The following AKAP13 variants were observed in gnomAD, a reference collection of about 807,000 sequenced individuals.
AKAP13 encodes the protein A-kinase anchoring protein 13.
Under a neutral mutation model 264.5 loss-of-function variants are expected in AKAP13, and 80 were observed. That is an observed-to-expected ratio of 0.30 (90% CI 0.25 to 0.36). The LOEUF (loss-of-function observed/expected upper bound fraction) is 0.36. Ranked by LOEUF, AKAP13 falls within the 10% of genes least tolerant of loss-of-function variation. The probability of loss-of-function intolerance (pLI) is 1.00; values close to 1 mark genes in which losing one functional copy is unlikely to be tolerated. For synonymous variants in AKAP13, 1,380 were observed against 1,250.2 expected (o/e 1.10, Z -2.19); for missense variants, 3,712 against 3,435.2 (o/e 1.08, Z -2.01).
chr15:85,484,854 A>G (rs1210158147), intron 1 of AKAP13, among the ~76,000 whole-genome samples: 1 of 152,144 alleles, frequency 6.6e-6, no homozygotes, highest in Non-Finnish European at 1.5e-5. Flanking sequence ...GACACTTTAT[A>G]CTGTTATTTT....
intron 8 of AKAP13, among the ~76,000 whole-genome samples, chr15:85,596,495 A>T (rs2151347441): frequency 6.6e-6 from 1 of 152,136 alleles, no homozygotes; most frequent in Admixed American, 6.5e-5. Context: ...AGGTGGGAGG[A>T]TCATCTGAGC....
intron 1 of AKAP13, among the ~76,000 whole-genome samples, chr15:85,462,750 C>T (rs1404229849): frequency 2.0e-5 from 3 of 152,020 alleles, no homozygotes; most frequent in Admixed American, 6.5e-5. Flanking sequence ...TTTGGCCGGG[C>T]GTGGTGGCTC....
intron 17 of AKAP13, among the ~76,000 whole-genome samples, chr15:85,696,576 G>A (rs578005113): frequency 5.9e-5 from 9 of 152,224 alleles, no homozygotes; most frequent in African/African-American, 2.2e-4. Flanking sequence ...CTTTTGGAGA[G>A]CACTGATCTC....
At chr15:85,520,263 A>C (rs1451814119) in intron 2 of AKAP13, among the ~76,000 whole-genome samples, 1 of 152,094 alleles carries the variant, frequency 6.6e-6, no homozygotes, top group African/African-American at 2.4e-5. Flanking sequence ...TGGGAGGCTG[A>C]GACGGGTGGA....
chr15:85,416,062 A>G (rs1389442222), intron 1 of AKAP13, among the ~76,000 whole-genome samples: 1 of 152,200 alleles, frequency 6.6e-6, no homozygotes, highest in African/African-American at 2.4e-5. Flanking sequence ...GCACAGAAGG[A>G]TGGAGCAACT....
In AKAP13 at chr15:85,686,145, C is replaced by CTGTGTGTG. The variant is rs36166313; in HGVS notation, c.5289+1286_5289+1293dup. 1.6e-3 allele frequency among the ~76,000 whole-genome samples: 233 copies of CTGTGTGTG among 149,540 alleles called. 2 individuals carry two copies. The highest frequency in any genetic ancestry group is 5.2e-3 in the African/African-American group (213 of 40,582). ...GTTAAGGAACTCTTGCAAGGAATCA[C>CTGTGTGTG]TGTGTGTGTGTGTGTGTGTGTATGT... is the stretch of plus-strand genomic sequence containing the variant. On this transcript the variant is annotated intron_variant, in intron 16 of 36. Coordinates refer to ENST00000394518, the MANE Select transcript of AKAP13 (RefSeq NM_007200.5).
chr15:85,718,064 A>G lies in AKAP13; in HGVS notation c.5906A>G (p.Lys1969Arg), dbSNP rs1227600196. Residue 1969 changes from lysine (K) to arginine (R), a missense_variant, in exon 22 of 37, where the codon AAA becomes AGA. This residue lies in a region of AKAP13 where 2,759 missense variants were observed against 2,411.7 expected (regional missense o/e 1.14). Transcript: ENST00000394518. This position sits in a 1 kb window ranked among gnomAD's most constrained non-coding sequence, Gnocchi z 4.9. The stretch of plus-strand genomic sequence containing the variant: ...CTGGGAGACTTTGAGATTGAGTCCA[A>G]ACAGCTGGAAGCAGAGTCTTGGAGT... Reference protein sequence around the residue: ...QLLGDFEIESKQLEAESWSRI... With the variant: ...QLLGDFEIESRQLEAESWSRI... 1 of 1,614,170 alleles carries G rather than the reference A, an allele frequency of 6.2e-7. No individual in the cohort carries two copies. The highest frequency in any genetic ancestry group is 1.7e-5 in the Admixed American group (1 of 60,024).
At chr15:85,490,452 G>A (rs1223080368) in intron 2 of AKAP13, among the ~76,000 whole-genome samples, 2 of 152,216 alleles carry the variant, frequency 1.3e-5, no homozygotes, top group Non-Finnish European at 1.5e-5. Context: ...AAGTGAAATC[G>A]TTTGAGTCTT....
At chr15:85,602,850 T>TG (rs1288932364) in intron 8 of AKAP13, among the ~76,000 whole-genome samples, 1 of 152,244 alleles carries the variant, frequency 6.6e-6, no homozygotes, top group Non-Finnish European at 1.5e-5. Context: ...ATTGGTCATT[T>TG]GGAAAATATT....
intron 3 of AKAP13, among the ~76,000 whole-genome samples, chr15:85,522,214 C>T (rs1375877613): frequency 6.6e-6 from 1 of 152,002 alleles, no homozygotes; most frequent in African/African-American, 2.4e-5. Context: ...ACTCAGTTCT[C>T]ATTAGGAAAG....
intron 5 of AKAP13, 74 bp downstream of exon 5, chr15:85,544,029 C>G (rs1291332324): frequency 1.3e-6 from 2 of 1,542,190 alleles, no homozygotes; most frequent in South Asian, 1.1e-5. Flanking sequence ...GTACCACCCA[C>G]TTGGCATCTC....
intron 14 of AKAP13, among the ~76,000 whole-genome samples, chr15:85,677,498 C>T (rs907045483): frequency 1.3e-5 from 2 of 152,140 alleles, no homozygotes; most frequent in Non-Finnish European, 2.9e-5. Context: ...GGACAGATAT[C>T]TAGATGTTCA....
chr15:85,443,826 T>G (rs2073803174), intron 1 of AKAP13, among the ~76,000 whole-genome samples: 1 of 151,898 alleles, frequency 6.6e-6, no homozygotes, highest in Non-Finnish European at 1.5e-5. Flanking sequence ...AGCCTGATTT[T>G]TCCTTCTTCA....
intron 6 of AKAP13, 37 bp from the exon 7 acceptor site, chr15:85,578,893 A>G (rs777011912): frequency 6.3e-7 from 1 of 1,585,596 alleles, no homozygotes; most frequent in South Asian, 1.1e-5. Context: ...CTTCTCCTAC[A>G]GGCAGTTTTT....
rs1200736709 is a variant in AKAP13, at chr15:85,746,696, T to TC, written c.*2021dup. On this transcript the variant is annotated 3_prime_UTR_variant, in exon 37 of 37. Coordinates refer to ENST00000394518, the MANE Select transcript of AKAP13 (RefSeq NM_007200.5). Reference sequence around the variant, plus strand: ...TCTTTCTTTCACCTATTTGTACAACTCCAAGTTACAGCTGAATCTGTCGTG... The same window carrying TC: ...TCTTTCTTTCACCTATTTGTACAACTCCCAAGTTACAGCTGAATCTGTCGTG... 8 of 152,164 alleles carry TC rather than the reference T, an allele frequency of 5.3e-5. No individual in the cohort carries two copies. Among genetic ancestry groups the TC allele is most frequent in the Admixed American group, 5.2e-4 (8 of 15,286 alleles). The allele number at this position is 152,164 out of a possible 1,614,324, so 9.4% of individuals were successfully genotyped here.
chr15:85,720,909 A>T (rs1034001084), intron 23 of AKAP13, among the ~76,000 whole-genome samples: 7 of 152,370 alleles, frequency 4.6e-5, no homozygotes, highest in African/African-American at 1.4e-4. Context: ...TAAGCATGTT[A>T]TGAAATAAAT....
At chr15:85,543,987 C>G in intron 5 of AKAP13, 32 bp downstream of exon 5, 3 of 1,609,732 alleles carry the variant, frequency 1.9e-6, no homozygotes, top group Non-Finnish European at 1.7e-6. Context: ...TTTCCCTCCT[C>G]TCATCCCCAG....
intron 26 of AKAP13, among the ~76,000 whole-genome samples, chr15:85,725,933 A>C (rs1263431921): frequency 6.6e-6 from 1 of 152,146 alleles, no homozygotes; most frequent in Non-Finnish European, 1.5e-5. Flanking sequence ...TTAGACTTAG[A>C]TATTTCTATA....
intron 31 of AKAP13, 121 bp downstream of exon 31, chr15:85,735,271 T>A (rs1476150868): frequency 7.6e-7 from 1 of 1,324,104 alleles, no homozygotes; most frequent in Non-Finnish European, 1.0e-6. Context: ...TTAGTGAGAT[T>A]TCAAGACACT....
Sources: gnomAD v4.1 joint callset for allele counts (sites outside exome capture counted in the v4.1 genomes callset) on GRCh38, gnomAD v4.1.1 for gene constraint, gnomAD v4.1.1 regional missense constraint, Gnocchi (gnomAD v3.1) non-coding constraint, MANE v1.5 for transcripts, NCBI Gene and HGNC (gene_info 2026-07-23, HGNC 2026-07-21) for gene names.